Variants in DISP2 observed in about 807,000 individuals in gnomAD.
DISP2 encodes the protein dispatched RND transporter family member 2.
DISP2 carries 59 observed loss-of-function variants against 95.5 expected under a neutral mutation model. The observed-to-expected ratio is 0.62, with a 90% CI of 0.50 to 0.77. The LOEUF is 0.77. DISP2 is among the 30% of genes least tolerant of loss of function. The pLI, the probability that DISP2 is intolerant of heterozygous loss-of-function variation, is 0.00. For synonymous variants in DISP2, 827 were observed against 815.0 expected, an observed-to-expected ratio of 1.01 and a Z score of -0.25; for missense variants, 1,752 against 1,854.6, an observed-to-expected ratio of 0.94 and a Z score of 1.02.
chr15:40,364,222 A>G lies in DISP2; in HGVS notation c.450-4A>G, dbSNP rs369901679. On this transcript the variant is annotated splice_polypyrimidine_tract_variant and splice_region_variant and intron_variant, in intron 2 of 7. Transcript: ENST00000267889. ...AAGCAAGCATCTTTTCTTCTCTTCC[A>G]CAGGCAGGAACGAGCCTTCCAGATG... 6.2e-6 allele frequency: 10 copies of G among 1,613,822 alleles called. No homozygotes were observed. In the Admixed American group the frequency reaches 1.2e-4, roughly 19 times the overall value.
At chr15:40,360,075 CTG>C (rs765038486) in intron 1 of DISP2, among the ~76,000 whole-genome samples, 15 of 152,204 alleles carry the variant, frequency 9.9e-5, no homozygotes, top group Non-Finnish European at 2.2e-4. Flanking sequence ...GGTTTGGTCT[CTG>C]TGTCTAGGAG....
At position 40,363,723 on chromosome 15, in the gene DISP2, C is replaced by T. The variant is rs1226431026; in HGVS notation, c.218C>T (p.Pro73Leu). The change falls in exon 2 of 8, where the codon CCA becomes CTA. Residue 73 changes from proline (P) to leucine (L), a missense_variant. Physicochemically the swap from Pro to Leu is moderately conservative, Grantham distance 98. Around this residue, in one of 5 missense-constraint regions of DISP2, gnomAD observed 342 missense variants for 364.3 expected, o/e 0.94. Coordinates refer to ENST00000267889, the MANE Select transcript of DISP2 (RefSeq NM_033510.3). ...GACCCTTCCAGCTCTTCAGGACCCC[C>T]ACCAACAACTTCCACCCTCCAGCCT... is the stretch of plus-strand genomic sequence containing the variant. ...LEDPSSSSGPPPTTSTLQPVG... is the reference protein window; with the variant it reads ...LEDPSSSSGPLPTTSTLQPVG... 1 of 1,613,280 alleles carries T rather than the reference C, an allele frequency of 6.2e-7. No individual in the cohort carries two copies. Among genetic ancestry groups the T allele is most frequent in the Admixed American group, 1.7e-5 (1 of 59,880 alleles).
At position 40,374,014 on chromosome 15, in the gene DISP2, A is replaced by AATATATATATATAT. The variant is rs1555400589; in HGVS notation, c.*3701_*3714dup. 12 of 104,128 alleles carry AATATATATATATAT rather than the reference A, an allele frequency of 1.2e-4. No individual in the cohort carries two copies. The highest frequency in any genetic ancestry group is 4.2e-4 in the African/African-American group (10 of 23,944). 6.5% of individuals were successfully genotyped at this position (104,128 alleles called of 1,614,324 possible). On this transcript the variant is annotated 3_prime_UTR_variant, in exon 8 of 8. Coordinates refer to ENST00000267889, the MANE Select transcript of DISP2 (RefSeq NM_033510.3). Reference sequence around the variant, plus strand: ...GCGAGACTCCATCTTAAAAAAAAAAAATATATATATATATATATGTAAACT... The same window carrying AATATATATATATAT: ...GCGAGACTCCATCTTAAAAAAAAAAAATATATATATATATATATATATATATATATATGTAAACT...
At position 40,367,113 on chromosome 15, in the gene DISP2, G is replaced by T. The variant is rs756145205; in HGVS notation, c.1001G>T (p.Cys334Phe). ...TGCCAGCGGACAGCAGCCAACCAGT[G>T]CTGCCCCAGCTGGTCCCTGGGCAAC... ...ALCQRTAANQ[C>F]CPSWSLGNYL... The change falls in exon 8 of 8, where the codon TGC becomes TTC. Residue 334 changes from cysteine to phenylalanine, a missense_variant. Cys to Phe is a radical substitution (Grantham distance 205, BLOSUM62 -2). Transcript: ENST00000267889. 3 of 1,613,544 alleles carry T rather than the reference G, an allele frequency of 1.9e-6. No individual in the cohort carries two copies. The highest frequency in any genetic ancestry group is 2.5e-6 in the Non-Finnish European group (3 of 1,180,006).
chr15:40,358,376 G>T lies in DISP2; in HGVS notation c.55G>T (p.Gly19Cys). 5 of 1,368,868 alleles carry T rather than the reference G, an allele frequency of 3.7e-6. No individual in the cohort carries two copies. Among genetic ancestry groups the T allele is most frequent in the Non-Finnish European group, 3.8e-6 (4 of 1,061,424 alleles). The allele number at this position is 1,368,868 out of a possible 1,614,324, so 84.8% of individuals were successfully genotyped here. A position where few individuals can be genotyped will look rare whatever the true frequency, so the allele number is the denominator to read the frequency against. ...SGGSGPAPGP[G>C]PEGEQRPEGE... Reference sequence around the variant, plus strand: ...CGGCAGCGGTCCGGCTCCCGGCCCGGGTCCGGAAGGGGAGCAACGGCCCGA... The same window carrying T: ...CGGCAGCGGTCCGGCTCCCGGCCCGTGTCCGGAAGGGGAGCAACGGCCCGA... Residue 19 changes from glycine to cysteine, a missense_variant, in exon 1 of 8, where the codon GGT becomes TGT. Coordinates refer to ENST00000267889, the MANE Select transcript of DISP2 (RefSeq NM_033510.3).
chr15:40,363,147 C>CA (rs5812160), intron 1 of DISP2, among the ~76,000 whole-genome samples: 39,037 of 134,676 alleles, frequency 0.29, 5,466 homozygotes, highest in South Asian at 0.4. Flanking sequence ...ACTGAAAATA[C>CA]AAAAAAAAAA....
chr15:40,367,927 T>C lies in DISP2; in HGVS notation c.1815T>C (p.Tyr605=), dbSNP rs1168447998. ...VSGLTTSAAF[Y]ASYLSRLPAV... ...GCCTCACCACGAGCGCGGCCTTCTA[T>C]GCCAGCTACCTGAGCCGCCTGCCGG... The change falls in exon 8 of 8, where the codon TAT becomes TAC. Residue 605 remains tyrosine (Y), a synonymous_variant. Coordinates refer to ENST00000267889, the MANE Select transcript of DISP2 (RefSeq NM_033510.3). 3.1e-6 allele frequency: 5 copies of C among 1,594,264 alleles called. No homozygotes were observed. The highest frequency in any genetic ancestry group is 1.1e-5 in the South Asian group (1 of 90,226).
chr15:40,362,904 C>T (rs1254866761), intron 1 of DISP2, among the ~76,000 whole-genome samples: 2 of 152,208 alleles, frequency 1.3e-5, no homozygotes, highest in East Asian at 1.9e-4. Flanking sequence ...CACAGGACTG[C>T]AAGTCGGAAG....
rs1432554766 is a variant in DISP2, at chr15:40,370,571, C to G, written c.*253C>G. 1 of 704,056 alleles carries G rather than the reference C, an allele frequency of 1.4e-6. No individual in the cohort carries two copies. The highest frequency in any genetic ancestry group is 1.5e-5 in the South Asian group (1 of 67,002). The allele number at this position is 704,056 out of a possible 1,614,324, so 43.6% of individuals were successfully genotyped here. On this transcript the variant is annotated 3_prime_UTR_variant, in exon 8 of 8. Coordinates refer to ENST00000267889, the MANE Select transcript of DISP2 (RefSeq NM_033510.3). ...CGACCTGCTGAGGGCTTGTCTGCTC[C>G]CACAGCACCATCTAAGACCCCTCCT...
In DISP2 at chr15:40,374,600, G is replaced by C. The variant is rs951570826; in HGVS notation, c.*4282G>C. 2 of 137,584 alleles carry C rather than the reference G, an allele frequency of 1.5e-5. No individual in the cohort carries two copies. Among genetic ancestry groups the C allele is most frequent in the Admixed American group, 8.0e-5 (1 of 12,430 alleles). The allele number at this position is 137,584 out of a possible 1,614,324, so 8.5% of individuals were successfully genotyped here. On this transcript the variant is annotated 3_prime_UTR_variant, in exon 8 of 8. Coordinates refer to ENST00000267889, the MANE Select transcript of DISP2 (RefSeq NM_033510.3). ...GTTTACAACCTTTGCCTATCGTCCA[G>C]AGAGTTTCTGATCTTTTCTTTTTTT...
At chr15:40,361,101 T>G (rs1368142785) in intron 1 of DISP2, among the ~76,000 whole-genome samples, 1 of 152,268 alleles carries the variant, frequency 6.6e-6, no homozygotes, top group Non-Finnish European at 1.5e-5. Flanking sequence ...ATTAACTTTA[T>G]GGAGTCATCT....
rs763551040 is a variant in DISP2 at position 40,368,291 on chromosome 15, C to T, written c.2179C>T (p.Leu727=). The T allele has an allele frequency of 6.2e-7, 1 of 1,606,652 alleles. No individual in the cohort carries two copies. The highest frequency in any genetic ancestry group is 8.5e-7 in the Non-Finnish European group (1 of 1,177,494). The part of the protein sequence containing the change: ...GAYIAGVSPR[L]RLPTLPPPGG... ...CTACATCGCCGGAGTCAGCCCCCGC[C>T]TGCGGCTGCCCACGCTGCCGCCGCC... is the stretch of plus-strand genomic sequence containing the variant. The change falls in exon 8 of 8, where the codon CTG becomes TTG. Residue 727 remains leucine, a synonymous_variant. Transcript: ENST00000267889.
chr15:40,359,997 T>C (rs556448736), intron 1 of DISP2, among the ~76,000 whole-genome samples: 1 of 152,380 alleles, frequency 6.6e-6, no homozygotes, highest in South Asian at 2.1e-4. Context: ...GATGTTCACC[T>C]GGCTGTGTGT....
chr15:40,368,926 A>T lies in DISP2; in HGVS notation c.2814A>T (p.Ala938=), dbSNP rs917903653. 1 of 1,613,536 alleles carries T rather than the reference A, an allele frequency of 6.2e-7. No homozygotes were observed. Among genetic ancestry groups the T allele is most frequent in the Non-Finnish European group, 8.5e-7 (1 of 1,180,024 alleles). Residue 938 remains alanine, a synonymous_variant, in exon 8 of 8, where the codon GCA becomes GCT. Coordinates refer to ENST00000267889, the MANE Select transcript of DISP2 (RefSeq NM_033510.3). ...SHWLAAELGM[A]PPGLRRGWFT... The stretch of plus-strand genomic sequence containing the variant: ...GGCTGGCAGCGGAGCTGGGCATGGC[A>T]CCTCCAGGCCTCCGCCGTGGTTGGT...
In DISP2 at chr15:40,376,795, C is replaced by A. The variant is rs774120265; in HGVS notation, c.*6477C>A. 7 of 151,758 alleles carry A rather than the reference C, an allele frequency of 4.6e-5. No homozygotes were observed. Among genetic ancestry groups the A allele is most frequent in the Non-Finnish European group, 7.4e-5 (5 of 67,932 alleles). The allele number at this position is 151,758 out of a possible 1,614,324, so 9.4% of individuals were successfully genotyped here. ...ACTCCAGCCTGGCAACAGAGCGAGA[C>A]CTTAACTCTAAAAAAAGAAATAAAG... On this transcript the variant is annotated 3_prime_UTR_variant, in exon 8 of 8. Transcript: ENST00000267889.
At chr15:40,359,089 G>C (rs963911722) in intron 1 of DISP2, among the ~76,000 whole-genome samples, 1 of 152,186 alleles carries the variant, frequency 6.6e-6, no homozygotes, top group Non-Finnish European at 1.5e-5. Context: ...GGGACAGGAG[G>C]GACACCTTCC....
rs772544294 is a variant in DISP2 at position 40,363,953 on chromosome 15, A to G, written c.448A>G (p.Arg150Gly). ...TGTGCAGCACCATGTGGTCAGCGTC[A>G]GGTAAGGAGGGGTCCAGCAGCCTGC... ...PAVQHHVVSVRQERAFQMPKS... is the reference protein window; with the variant it reads ...PAVQHHVVSVGQERAFQMPKS... The change falls in exon 2 of 8, where the codon AGG (arginine) becomes GGG (glycine). Residue 150 changes from arginine (R) to glycine (G), a missense_variant and splice_region_variant. Physicochemically the swap from Arg to Gly is moderately radical, Grantham distance 125. Around this residue, in one of 5 missense-constraint regions of DISP2, gnomAD observed 342 missense variants for 364.3 expected, o/e 0.94. Coordinates refer to ENST00000267889, the MANE Select transcript of DISP2 (RefSeq NM_033510.3). 1 of 1,521,114 alleles carries G rather than the reference A, an allele frequency of 6.6e-7. No homozygotes were observed. Among genetic ancestry groups the G allele is most frequent in the Non-Finnish European group, 8.8e-7 (1 of 1,137,600 alleles). 94.2% of individuals were successfully genotyped at this position (1,521,114 alleles called of 1,614,324 possible).
rs1332517189 is a variant in DISP2, at chr15:40,373,025, A to C, written c.*2707A>C. 1 of 152,182 alleles carries C rather than the reference A, an allele frequency of 6.6e-6. No homozygotes were observed. Among genetic ancestry groups the C allele is most frequent in the Non-Finnish European group, 1.5e-5 (1 of 68,054 alleles). 9.4% of individuals were successfully genotyped at this position (152,182 alleles called of 1,614,324 possible). A position where few individuals can be genotyped will look rare whatever the true frequency, so the allele number is the denominator to read the frequency against. The stretch of plus-strand genomic sequence containing the variant: ...GCAGTAATCTAAAACATTACCTTAT[A>C]CCTAGAATGGCCCAAACCAACAGCA... On this transcript the variant is annotated 3_prime_UTR_variant, in exon 8 of 8. Transcript: ENST00000267889.
At chr15:40,366,914 C>A in intron 7 of DISP2, 144 bp from the exon 8 acceptor site, 2 of 1,114,966 alleles carry the variant, frequency 1.8e-6, no homozygotes, top group Non-Finnish European at 2.5e-6. Context: ...AGCTGGGAGA[C>A]AAGCCTATCT....
Sources: allele counts gnomAD v4.1 joint callset (sites outside exome capture counted in the v4.1 genomes callset), GRCh38; gene constraint gnomAD v4.1.1; regional missense constraint gnomAD v4.1.1; transcripts MANE v1.5; gene names NCBI Gene and HGNC (gene_info 2026-07-23, HGNC 2026-07-21).